The following YLPM1 variants were observed in gnomAD, a reference collection of about 807,000 sequenced individuals.
YLPM1 encodes YLP motif-containing protein 1.
Under a neutral mutation model 230.0 loss-of-function variants are expected in YLPM1, and 99 were observed. The ratio of observed to expected loss-of-function variants is 0.43; its 90% CI spans 0.37 to 0.51. YLPM1 has a LOEUF of 0.51. YLPM1 is among the 20% of genes least tolerant of loss of function. The pLI, the probability that YLPM1 is intolerant of heterozygous loss-of-function variation, is 0.00. For synonymous variants in YLPM1, 984 were observed against 942.5 expected, an observed-to-expected ratio of 1.04 and a Z score of -0.81; for missense variants, 2,592 against 2,707.7, an observed-to-expected ratio of 0.96 and a Z score of 0.95.
chr14:74,836,005 G>A lies in YLPM1; in HGVS notation c.*267G>A, dbSNP rs1360136004. 3 of 417,920 alleles carry A rather than the reference G, an allele frequency of 7.2e-6. No homozygotes were observed. The highest frequency in any genetic ancestry group is 2.1e-5 in the African/African-American group (1 of 48,118). 25.9% of individuals were successfully genotyped at this position (417,920 alleles called of 1,614,324 possible). A position where few individuals can be genotyped will look rare whatever the true frequency, so the allele number is the denominator to read the frequency against. On this transcript the variant is annotated 3_prime_UTR_variant, in exon 21 of 21. Transcript: ENST00000325680. ...ATAGCTTAACTGCTGAAGCCAGGCG[G>A]GGGTCTGCTGGAGGATTCCAACAGA... is the stretch of plus-strand genomic sequence containing the variant.
At chr14:74,790,492 G>T (rs555605534) in intron 4 of YLPM1, among the ~76,000 whole-genome samples, 1 of 152,024 alleles carries the variant, frequency 6.6e-6, no homozygotes, top group African/African-American at 2.4e-5. Flanking sequence ...AAAAGTATTT[G>T]TATAACTGCA....
intron 18 of YLPM1, among the ~76,000 whole-genome samples, chr14:74,824,728 C>T (rs3764920): frequency 0.15 from 22,457 of 151,768 alleles, 1,802 homozygotes; most frequent in South Asian, 0.29. Context: ...GGCATTTATT[C>T]TCCTTGTATA....
intron 19 of YLPM1, among the ~76,000 whole-genome samples, chr14:74,832,001 T>C (rs1390984061): frequency 6.6e-6 from 1 of 152,258 alleles, no homozygotes; most frequent in African/African-American, 2.4e-5. Context: ...TTGATGACTA[T>C]GGAAGGTGAA....
At position 74,798,734 on chromosome 14, in the gene YLPM1, C is replaced by T. The variant is rs1459881768; in HGVS notation, c.3437C>T (p.Pro1146Leu). ...PRRAGSRERG[P>L]PRGPGSRERG... The stretch of plus-strand genomic sequence containing the variant: ...AGAGCTGGGAGCAGGGAGAGAGGAC[C>T]ACCTCGAGGGCCTGGCAGTCGAGAA... The change falls in exon 5 of 21, where the codon CCA becomes CTA. Residue 1146 changes from proline to leucine, a missense_variant. Transcript: ENST00000325680. The T allele has an allele frequency of 3.1e-6, 5 of 1,612,490 alleles. No individual in the cohort carries two copies. The highest frequency in any genetic ancestry group is 4.2e-6 in the Non-Finnish European group (5 of 1,179,098).
Position 74,763,588 on chromosome 14 carries a change from G to C in YLPM1, c.99G>C (p.Gly33=), listed in dbSNP as rs944605314. ...PPVALPEASP[G]PGYSSSTTPA... ...TGGCGCTTCCTGAGGCCTCGCCGGG[G>C]CCCGGGTACTCGAGCTCGACGACTC... The change falls in exon 1 of 21, where the codon GGG becomes GGC. Residue 33 remains glycine (G), a synonymous_variant. Coordinates refer to ENST00000325680, the MANE Select transcript of YLPM1 (RefSeq NM_019589.3). 6.3e-7 allele frequency: 1 copy of C among 1,587,834 alleles called. No homozygotes were observed. The highest frequency in any genetic ancestry group is 1.4e-5 in the African/African-American group (1 of 72,610).
intron 18 of YLPM1, 22 bp from the exon 19 acceptor site, chr14:74,829,191 C>A (rs540945626): frequency 1.2e-6 from 2 of 1,611,946 alleles, no homozygotes; most frequent in East Asian, 2.2e-5. Flanking sequence ...CTTAATGCTA[C>A]GGCTCTGTGT....
chr14:74,782,131 A>T lies in YLPM1; in HGVS notation c.2088A>T (p.Glu696Asp), dbSNP rs1274710499. The change falls in exon 4 of 21, where the codon GAA becomes GAT. Residue 696 changes from glutamate (E) to aspartate (D), a missense_variant. Physicochemically the swap from Glu to Asp is conservative, Grantham distance 45. Coordinates refer to ENST00000325680, the MANE Select transcript of YLPM1 (RefSeq NM_019589.3). ...HPPLQSAGPS[E>D]QVNSKAPLSK... ...CGTTGCAATCAGCTGGTCCATCAGA[A>T]CAAGTGAATTCAAAAGCTCCTTTGA... 1.2e-6 allele frequency: 2 copies of T among 1,613,766 alleles called. No homozygotes were observed. Among genetic ancestry groups the T allele is most frequent in the East Asian group, 2.2e-5 (1 of 44,886 alleles).
At chr14:74,797,439 T>C (rs771707861) in intron 4 of YLPM1, 141 bp from the exon 5 acceptor site, 2 of 693,768 alleles carry the variant, frequency 2.9e-6, no homozygotes, top group Non-Finnish European at 4.5e-6. Flanking sequence ...AAGATATTGG[T>C]GACTCAGGAT....
chr14:74,790,201 C>T (rs2091192312), intron 4 of YLPM1, among the ~76,000 whole-genome samples: 1 of 152,114 alleles, frequency 6.6e-6, no homozygotes, highest in Non-Finnish European at 1.5e-5. Flanking sequence ...GGACTTTTTC[C>T]ATTCTATAGC....
At chr14:74,814,898 C>T (rs2091464626) in intron 11 of YLPM1, among the ~76,000 whole-genome samples, 1 of 152,190 alleles carries the variant, frequency 6.6e-6, no homozygotes, top group African/African-American at 2.4e-5. Context: ...AGATTCTTCA[C>T]TTGTTATAGG....
chr14:74,830,272 G>A (rs1375400301), intron 19 of YLPM1, among the ~76,000 whole-genome samples: 2 of 152,172 alleles, frequency 1.3e-5, no homozygotes, highest in Non-Finnish European at 2.9e-5. Context: ...AGCATATATA[G>A]GCAACTTTTT....
Position 74,778,691 on chromosome 14 carries a change from TA to T in YLPM1, c.1110+9del, listed in dbSNP as rs1293564881. ...CCACCTGAGGAACCCCAGGTAACCATATAATTAATTGTTTGTGTTTATTAAA... is the reference window on the plus strand; with the variant it reads ...CCACCTGAGGAACCCCAGGTAACCATTAATTAATTGTTTGTGTTTATTAAA... On this transcript the variant is annotated intron_variant, in intron 2 of 20. Transcript: ENST00000325680. 7 of 1,542,470 alleles carry T rather than the reference TA, an allele frequency of 4.5e-6. No individual in the cohort carries two copies. The highest frequency in any genetic ancestry group is 4.4e-6 in the Non-Finnish European group (5 of 1,141,540).
At chr14:74,801,255 G>C (rs955838828) in intron 5 of YLPM1, among the ~76,000 whole-genome samples, 1 of 152,096 alleles carries the variant, frequency 6.6e-6, no homozygotes, top group African/African-American at 2.4e-5. Flanking sequence ...AGTCGTTTAT[G>C]TTGTGTCAGT....
In YLPM1 at chr14:74,799,390, T is replaced by A. The variant is rs746269169; in HGVS notation, c.4093T>A (p.Phe1365Ile). 1 of 1,613,982 alleles carries A rather than the reference T, an allele frequency of 6.2e-7. No individual in the cohort carries two copies. Among genetic ancestry groups the A allele is most frequent in the South Asian group, 1.1e-5 (1 of 91,080 alleles). Residue 1365 changes from phenylalanine to isoleucine, a missense_variant, in exon 5 of 21, where the codon TTC becomes ATC. Transcript: ENST00000325680. ...RNREHGYDRD[F>I]RDRGELRIRE... ...TCGAGAGCATGGGTATGATCGAGATTTCCGTGATAGGGGTGAGTTGAGGAT... is the reference window on the plus strand; with the variant it reads ...TCGAGAGCATGGGTATGATCGAGATATCCGTGATAGGGGTGAGTTGAGGAT...
rs758766791 is a variant in YLPM1, at chr14:74,780,576, C to T, written c.1282C>T (p.His428Tyr). The stretch of plus-strand genomic sequence containing the variant: ...TCAGCAGATTATACAGCCCCCACCA[C>T]ATATACAGGCAAGTGCTTCCATAGT... Reference protein sequence around the residue: ...QYQQIIQPPPHIQTMSVDMQL... With the variant: ...QYQQIIQPPPYIQTMSVDMQL... Residue 428 changes from histidine to tyrosine, a missense_variant, in exon 3 of 21, where the codon CAT (histidine) becomes TAT (tyrosine). His to Tyr is a moderately conservative substitution (Grantham distance 83). Coordinates refer to ENST00000325680, the MANE Select transcript of YLPM1 (RefSeq NM_019589.3). 1 of 1,608,124 alleles carries T rather than the reference C, an allele frequency of 6.2e-7. No homozygotes were observed. The highest frequency in any genetic ancestry group is 1.1e-5 in the South Asian group (1 of 90,372).
rs183954732 is a variant in YLPM1, at chr14:74,793,611, T to C, written c.2283-3969T>C. 1.7e-3 allele frequency among the ~76,000 whole-genome samples: 260 copies of C among 152,350 alleles called. 3 individuals are homozygous for C. Among genetic ancestry groups the C allele is most frequent in the Middle Eastern group, 0.014 (4 of 294 alleles). On this transcript the variant is annotated intron_variant, in intron 4 of 20. Coordinates refer to ENST00000325680, the MANE Select transcript of YLPM1 (RefSeq NM_019589.3). ...TTATTTATCTTTAGTTTTTCTTTCA[T>C]TTTGGACGTGTTCCTCAAATATCTA...
intron 8 of YLPM1, 60 bp downstream of exon 8, chr14:74,810,062 T>C (rs1272041733): frequency 6.6e-7 from 1 of 1,508,160 alleles, no homozygotes; most frequent in Non-Finnish European, 8.9e-7. Flanking sequence ...ATCACATGAT[T>C]TTCCTTTTGG....
intron 18 of YLPM1, chr14:74,827,350 CATCT>C (rs763376385): frequency 5.6e-5 from 55 of 985,278 alleles, no homozygotes; most frequent in Middle Eastern, 1.0e-3. Flanking sequence ...TTATGCCATC[CATCT>C]GTGTGTTTGG....
chr14:74,824,381 G>A (rs767635268), intron 18 of YLPM1, 74 bp downstream of exon 18: 68 of 1,473,132 alleles, frequency 4.6e-5, no homozygotes, highest in Non-Finnish European at 6.1e-5. Flanking sequence ...TGCTATAAGA[G>A]GAACAAATTT....
Sources: allele counts gnomAD v4.1 joint callset (sites outside exome capture counted in the v4.1 genomes callset), GRCh38; gene constraint gnomAD v4.1.1; transcripts MANE v1.5; gene names NCBI Gene and HGNC (gene_info 2026-07-23, HGNC 2026-07-21).